Variants in RSRP1 observed in about 807,000 individuals in gnomAD.
RSRP1 encodes arginine/serine-rich protein 1.
RSRP1 carries 37 observed loss-of-function variants against 33.0 expected under a neutral mutation model. That is an observed-to-expected ratio of 1.12 (90% CI 0.86 to 1.48). RSRP1 has a LOEUF of 1.48. Ranked by LOEUF, RSRP1 falls within the 40% of genes most tolerant of loss-of-function variation. The pLI is 0.00. For synonymous variants in RSRP1, 167 were observed against 158.7 expected, an observed-to-expected ratio of 1.05 and a Z score of -0.40; for missense variants, 402 against 385.3, an observed-to-expected ratio of 1.04 and a Z score of -0.36.
chr1:25,297,096 C>G lies in RSRP1; in HGVS notation c.-67+40882G>C, dbSNP rs1173855631. ...TATTTTTTGTGGTCGAGGATTACAT[C>G]TTGCATTTAGTTCTCATGTCTTATT... On this transcript the variant is annotated intron_variant, in intron 1 of 1. Transcript: ENST00000561867. 2.4e-5 allele frequency among the ~76,000 whole-genome samples: 3 copies of G among 123,568 alleles called. 1 individual carries two copies. Among genetic ancestry groups the G allele is most frequent in the Non-Finnish European group, 5.7e-5 (3 of 52,984 alleles). 81.1% of individuals were successfully genotyped at this position (123,568 alleles called of 152,430 possible).
In RSRP1 at chr1:25,243,535, C is replaced by T. The variant is rs541492318; in HGVS notation, c.756+15G>A. Reference sequence around the variant, plus strand: ...AAATCCAATTTTTGAGTGTTCAATGCCTGGATATACTTACATTAGAGCTAA... The same window carrying T: ...AAATCCAATTTTTGAGTGTTCAATGTCTGGATATACTTACATTAGAGCTAA... On this transcript the variant is annotated intron_variant, in intron 4 of 4. Transcript: ENST00000243189. 3 of 1,610,898 alleles carry T rather than the reference C, an allele frequency of 1.9e-6. No homozygotes were observed. The African/African-American group carries it at 4.0e-5, about 21-fold the overall frequency.
rs1643062885 is a variant in RSRP1, at chr1:25,297,644, T to C, written c.-67+40334A>G. On this transcript the variant is annotated intron_variant, in intron 1 of 1. Coordinates refer to the RSRP1 transcript ENST00000561867. ...CTGTTCATCCACTCATCTATGTACTTATTTATATCACCATGGGCTCCTGGA... is the reference window on the plus strand; with the variant it reads ...CTGTTCATCCACTCATCTATGTACTCATTTATATCACCATGGGCTCCTGGA... Among the ~76,000 whole-genome samples the C allele has an allele frequency of 2.3e-5, 3 of 132,116 alleles. No individual in the cohort carries two copies. In the South Asian group the frequency reaches 6.9e-4, roughly 31 times the overall value. The allele number at this position is 132,116 out of a possible 152,430, so 86.7% of individuals were successfully genotyped here.
rs989016438 is a variant in RSRP1 at position 25,287,695 on chromosome 1, C to T, written c.-66-40666G>A. Among the ~76,000 whole-genome samples the T allele has an allele frequency of 4.7e-4, 63 of 135,288 alleles. 10 individuals carry two copies. The highest frequency in any genetic ancestry group is 1.5e-3 in the African/African-American group (59 of 39,272). 88.8% of individuals were successfully genotyped at this position (135,288 alleles called of 152,430 possible). On this transcript the variant is annotated intron_variant, in intron 1 of 1. Coordinates refer to the RSRP1 transcript ENST00000561867. ...CTATTGGAGCAAAAATGAAAATAAA[C>T]GGAACTCTGAAGTGGGATGTTTTAA...
At position 25,260,630 on chromosome 1, in the gene RSRP1, G is replaced by A. The variant is rs1467970658; in HGVS notation, c.-66-13601C>T. ...GCTTAAACTGTTGTTAAGCCACTCA[G>A]ACTTAAACAACAGAAATTTATTTCC... is the stretch of plus-strand genomic sequence containing the variant. On this transcript the variant is annotated intron_variant, in intron 1 of 1. Transcript: ENST00000561867. Among the ~76,000 whole-genome samples, 4 of 152,278 alleles carry A rather than the reference G, an allele frequency of 2.6e-5. No individual in the cohort carries two copies. In the East Asian group the frequency reaches 7.7e-4, roughly 29 times the overall value.
intron 1 of RSRP1, among the ~76,000 whole-genome samples, chr1:25,259,965 G>A (rs546500562): frequency 2.0e-5 from 3 of 151,942 alleles, no homozygotes; most frequent in South Asian, 2.1e-4. Context: ...CTCTTCTGAA[G>A]GCTGATACGA....
intron 1 of RSRP1, among the ~76,000 whole-genome samples, chr1:25,285,152 G>C: frequency 1.2e-5 from 1 of 81,924 alleles, no homozygotes; most frequent in African/African-American, 5.0e-5. Context: ...TTTTTTTTTT[G>C]AGACGGAGTT....
chr1:25,267,896 G>C (rs1210701591), intron 1 of RSRP1: 1 of 132,300 alleles, frequency 7.6e-6, no homozygotes, highest in Non-Finnish European at 1.8e-5. Flanking sequence ...CCTGAACCCA[G>C]CGCCCGGGCA....
rs556261441 is a variant in RSRP1, at chr1:25,302,049, A to G, written c.-67+35929T>C. Among the ~76,000 whole-genome samples the G allele has an allele frequency of 2.3e-5, 3 of 130,688 alleles. No individual in the cohort carries two copies. The East Asian group carries it at 5.9e-4, about 26-fold the overall frequency. The allele number at this position is 130,688 out of a possible 152,430, so 85.7% of individuals were successfully genotyped here. ...AGCCAGCCTCTCTCTTCCCCCCAAC[A>G]AATTTCAAGAATGGAACCATCAGAA... On this transcript the variant is annotated intron_variant, in intron 1 of 1. Coordinates refer to the RSRP1 transcript ENST00000561867.
rs1364849288 is a variant in RSRP1 at position 25,283,297 on chromosome 1, G to C, written c.-66-36268C>G. Among the ~76,000 whole-genome samples the C allele has an allele frequency of 3.8e-5, 5 of 131,894 alleles. 1 individual carries two copies. In the East Asian group the frequency reaches 5.9e-4, roughly 15 times the overall value. The allele number at this position is 131,894 out of a possible 152,430, so 86.5% of individuals were successfully genotyped here. On this transcript the variant is annotated intron_variant, in intron 1 of 1. Coordinates refer to the RSRP1 transcript ENST00000561867. ...TGTAATCCCATCACTTTGGGAAACC[G>C]AGGTGGGCAGATCACTTGAGGTCAG...
At chr1:25,266,715 T>C (rs1640322250) in intron 1 of RSRP1, 1 of 153,646 alleles carries the variant, frequency 6.5e-6, no homozygotes, top group Admixed American at 5.6e-5. Flanking sequence ...ACCCACATTT[T>C]TGACTGAAGT....
intron 1 of RSRP1, among the ~76,000 whole-genome samples, chr1:25,309,387 C>G: frequency 7.6e-6 from 1 of 131,472 alleles, no homozygotes. Context: ...TTGTTAACCA[C>G]TCTTTTGAAT....
At chr1:25,244,520 G>C (rs1182609704) in intron 3 of RSRP1, 5 of 1,289,042 alleles carry the variant, frequency 3.9e-6, no homozygotes, top group African/African-American at 1.5e-5. Context: ...AAATAGAGCA[G>C]ATAAACTATA....
chr1:25,249,493 C>G (rs1639710187), upstream of RSRP1, among the ~76,000 whole-genome samples: 1 of 152,166 alleles, frequency 6.6e-6, no homozygotes, highest in Admixed American at 6.6e-5. Flanking sequence ...CGTGCACCAT[C>G]ATGCCCAGCT....
At chr1:25,258,864 T>C (rs553181141) in intron 1 of RSRP1, among the ~76,000 whole-genome samples, 13 of 152,282 alleles carry the variant, frequency 8.5e-5, no homozygotes, top group African/African-American at 2.6e-4. Flanking sequence ...GAAAACACTT[T>C]GTCATTTTAG....
intron 1 of RSRP1, among the ~76,000 whole-genome samples, chr1:25,302,261 TGA>T (rs201067761): frequency 0.012 from 1,590 of 130,038 alleles, 206 homozygotes; most frequent in African/African-American, 0.04. Flanking sequence ...ATGGTGTGTG[TGA>T]GTCTTGTGGG....
chr1:25,255,624 CTTTAT>C (rs1000637124), intron 1 of RSRP1, among the ~76,000 whole-genome samples: 1 of 152,124 alleles, frequency 6.6e-6, no homozygotes, highest in Non-Finnish European at 1.5e-5. Flanking sequence ...TTATTGTGCA[CTTTAT>C]ATTATTATTA....
At chr1:25,261,705 A>ATTTTTT (rs376795548) in intron 1 of RSRP1, among the ~76,000 whole-genome samples, 7 of 93,680 alleles carry the variant, frequency 7.5e-5, no homozygotes, top group East Asian at 6.2e-4. Context: ...CGCCCAGCAG[A>ATTTTTT]TTTTTTTTTT....
At chr1:25,270,048 G>T (rs553837544) in intron 1 of RSRP1, among the ~76,000 whole-genome samples, 1 of 132,264 alleles carries the variant, frequency 7.6e-6, no homozygotes, top group African/African-American at 2.6e-5. Flanking sequence ...CTTGTACTGG[G>T]CCCAGGTTAG....
intron 1 of RSRP1, among the ~76,000 whole-genome samples, chr1:25,283,520 A>C (rs1184119514): frequency 8.0e-6 from 1 of 125,114 alleles, no homozygotes; most frequent in African/African-American, 2.9e-5. Context: ...GACGAGTGAA[A>C]CTCTATCTCG....
Sources: gnomAD v4.1 joint callset for allele counts (sites outside exome capture counted in the v4.1 genomes callset) on GRCh38, gnomAD v4.1.1 for gene constraint, MANE v1.5 for transcripts, NCBI Gene and HGNC (gene_info 2026-07-23, HGNC 2026-07-21) for gene names.